Variants in CNOT6L observed in about 807,000 individuals in gnomAD.
CNOT6L encodes the protein CCR4-NOT transcription complex subunit 6 like.
In CNOT6L, 7 loss-of-function variants were observed where a neutral mutation model predicts 64.0. The ratio of observed to expected loss-of-function variants is 0.11; its 90% CI spans 0.06 to 0.21. The LOEUF (loss-of-function observed/expected upper bound fraction) is 0.21. Ranked by LOEUF, CNOT6L falls within the 10% of genes least tolerant of loss-of-function variation. CNOT6L has a pLI of 1.00. For missense variants in CNOT6L, 245 were observed against 669.0 expected, an observed-to-expected ratio of 0.37 and a Z score of 6.99; for synonymous variants, 193 against 243.4, an observed-to-expected ratio of 0.79 and a Z score of 1.93.
chr4:77,786,340 T>C (rs760852765), intron 1 of CNOT6L, among the ~76,000 whole-genome samples: 26 of 150,870 alleles, frequency 1.7e-4, no homozygotes, highest in African/African-American at 5.8e-4. Context: ...ATGCTGAGCA[T>C]AGTGGCTCAC....
intron 10 of CNOT6L, among the ~76,000 whole-genome samples, chr4:77,727,778 A>C: frequency 6.6e-6 from 1 of 150,646 alleles, no homozygotes; most frequent in Admixed American, 6.6e-5. Context: ...TCAACTTAAG[A>C]AAGGATTAAG....
At chr4:77,782,624 G>A (rs998473909) in intron 1 of CNOT6L, among the ~76,000 whole-genome samples, 2 of 146,988 alleles carry the variant, frequency 1.4e-5, no homozygotes, top group African/African-American at 5.0e-5. Flanking sequence ...TTACAGGCAT[G>A]AGCCACAGTG....
At chr4:77,738,602 A>C (rs545791032) in intron 8 of CNOT6L, among the ~76,000 whole-genome samples, 6 of 151,902 alleles carry the variant, frequency 3.9e-5, no homozygotes, top group Non-Finnish European at 8.8e-5. Context: ...AAAAACACAA[A>C]ATTAGTCAGG....
At chr4:77,808,843 C>T (rs182238794) in intron 1 of CNOT6L, among the ~76,000 whole-genome samples, 10 of 152,198 alleles carry the variant, frequency 6.6e-5, no homozygotes, top group Non-Finnish European at 1.0e-4. Context: ...CATATTCTGC[C>T]TTCACCTGTT....
intron 4 of CNOT6L, among the ~76,000 whole-genome samples, chr4:77,771,057 C>T (rs936006917): frequency 3.3e-5 from 5 of 152,192 alleles, no homozygotes; most frequent in African/African-American, 7.2e-5. Context: ...CAGTGGCTCA[C>T]GCCTGTAATC....
rs967143658 is a variant in CNOT6L, at chr4:77,717,313, T to C, written c.*3118A>G. ...AGGTGGATACTGATGCCTGAGAGAG[T>C]GGGTGACTTGACATGCACTTGTATG... On this transcript the variant is annotated 3_prime_UTR_variant, in exon 12 of 12. Coordinates refer to ENST00000504123, the MANE Select transcript of CNOT6L (RefSeq NM_144571.3). 1 of 152,334 alleles carries C rather than the reference T, an allele frequency of 6.6e-6. No homozygotes were observed. Among genetic ancestry groups the C allele is most frequent in the Non-Finnish European group, 1.5e-5 (1 of 67,966 alleles). 9.4% of individuals were successfully genotyped at this position (152,334 alleles called of 1,614,324 possible). A position where few individuals can be genotyped will look rare whatever the true frequency, so the allele number is the denominator to read the frequency against.
rs933340981 is a variant in CNOT6L, at chr4:77,779,831, G to A, written c.6-3439C>T. Reference sequence around the variant, plus strand: ...TACAAAAAATTAGCCGGGTGTGGTCGCGGGCGCCTGTAGTCCCAGCTACTT... The same window carrying A: ...TACAAAAAATTAGCCGGGTGTGGTCACGGGCGCCTGTAGTCCCAGCTACTT... On this transcript the variant is annotated intron_variant, in intron 1 of 11. Coordinates refer to ENST00000504123, the MANE Select transcript of CNOT6L (RefSeq NM_144571.3). 3.3e-5 allele frequency among the ~76,000 whole-genome samples: 5 copies of A among 152,098 alleles called. 1 individual carries two copies. The highest frequency in any genetic ancestry group is 9.7e-5 in the African/African-American group (4 of 41,402).
At chr4:77,811,649 T>C (rs1399044131) in intron 1 of CNOT6L, among the ~76,000 whole-genome samples, 1 of 152,168 alleles carries the variant, frequency 6.6e-6, no homozygotes, top group Non-Finnish European at 1.5e-5. Context: ...CTGCCCCTTA[T>C]TACCTGACAT....
At chr4:77,733,426 C>G (rs942597341) in intron 8 of CNOT6L, among the ~76,000 whole-genome samples, 3 of 151,976 alleles carry the variant, frequency 2.0e-5, no homozygotes, top group Non-Finnish European at 4.4e-5. Context: ...TTTATGAACA[C>G]GTTAATGATT....
rs574537154 is a variant in CNOT6L at position 77,815,950 on chromosome 4, A to G, written c.5+3354T>C. On this transcript the variant is annotated intron_variant, in intron 1 of 11. Coordinates refer to ENST00000504123, the MANE Select transcript of CNOT6L (RefSeq NM_144571.3). ...TCATGAAAGCAAGTAAACTTCTTTGAAATTTTGGAATGTATTTATTACTCT... is the reference window on the plus strand; with the variant it reads ...TCATGAAAGCAAGTAAACTTCTTTGGAATTTTGGAATGTATTTATTACTCT... 4.6e-5 allele frequency among the ~76,000 whole-genome samples: 7 copies of G among 152,366 alleles called. No individual in the cohort carries two copies. In the South Asian group the frequency reaches 1.5e-3, roughly 32 times the overall value.
intron 1 of CNOT6L, among the ~76,000 whole-genome samples, chr4:77,784,817 C>A (rs1729258734): frequency 6.6e-6 from 1 of 152,116 alleles, no homozygotes; most frequent in Non-Finnish European, 1.5e-5. Flanking sequence ...TTTCTGTTTT[C>A]TTTCTCCTCT....
At chr4:77,800,558 A>G (rs983584538) in intron 1 of CNOT6L, among the ~76,000 whole-genome samples, 2 of 152,226 alleles carry the variant, frequency 1.3e-5, no homozygotes, top group Non-Finnish European at 2.9e-5. Flanking sequence ...AAAGTTTTGA[A>G]CAATATGAAA....
At chr4:77,735,410 T>G (rs2109911692) in intron 8 of CNOT6L, among the ~76,000 whole-genome samples, 1 of 152,322 alleles carries the variant, frequency 6.6e-6, no homozygotes, top group East Asian at 1.9e-4. Flanking sequence ...AAGTCTGTCT[T>G]TTTGAAAAGT....
At chr4:77,805,871 C>G (rs530169885) in intron 1 of CNOT6L, among the ~76,000 whole-genome samples, 14 of 152,270 alleles carry the variant, frequency 9.2e-5, no homozygotes, top group African/African-American at 2.9e-4. Flanking sequence ...TCTAATTATT[C>G]AAGCATAAAG....
intron 1 of CNOT6L, among the ~76,000 whole-genome samples, chr4:77,800,542 G>C (rs920718622): frequency 6.6e-6 from 1 of 151,938 alleles, no homozygotes; most frequent in Non-Finnish European, 1.5e-5. Context: ...ATAAAGTCTT[G>C]TATACAAAGT....
At chr4:77,812,137 G>A (rs1733018815) in intron 1 of CNOT6L, among the ~76,000 whole-genome samples, 1 of 152,012 alleles carries the variant, frequency 6.6e-6, no homozygotes, top group Non-Finnish European at 1.5e-5. Flanking sequence ...AAATCTTATG[G>A]AATCCACTTA....
intron 11 of CNOT6L, among the ~76,000 whole-genome samples, chr4:77,722,637 A>C (rs13104947): frequency 0.27 from 41,076 of 152,062 alleles, 6,406 homozygotes; most frequent in East Asian, 0.47. Context: ...GAAAAAGTTA[A>C]ACACTCCAGG....
intron 1 of CNOT6L, among the ~76,000 whole-genome samples, chr4:77,791,588 G>A (rs1730152355): frequency 6.6e-6 from 1 of 151,996 alleles, no homozygotes; most frequent in Non-Finnish European, 1.5e-5. Context: ...TTTGTAAAAT[G>A]TTTTGTTATT....
intron 9 of CNOT6L, 23 bp downstream of exon 9, chr4:77,731,364 A>C: frequency 6.3e-7 from 1 of 1,599,152 alleles, no homozygotes; most frequent in Middle Eastern, 2.2e-4. Flanking sequence ...ATTTTTAGTA[A>C]GAATATTTTA....
Sources: gnomAD v4.1 joint callset for allele counts (sites outside exome capture counted in the v4.1 genomes callset) on GRCh38, gnomAD v4.1.1 for gene constraint, MANE v1.5 for transcripts, NCBI Gene and HGNC (gene_info 2026-07-23, HGNC 2026-07-21) for gene names.